The following ESPL1 variants were observed in gnomAD, a reference collection of about 807,000 sequenced individuals.
The protein encoded by ESPL1 is separin.
In ESPL1, 50 loss-of-function variants were observed where a neutral mutation model predicts 217.2. The observed-to-expected ratio is 0.23, with a 90% CI of 0.18 to 0.29. The LOEUF (loss-of-function observed/expected upper bound fraction) is 0.29. Ranked by LOEUF, ESPL1 falls within the 10% of genes least tolerant of loss-of-function variation. The pLI is 1.00. For synonymous variants in ESPL1, 994 were observed against 1,081.3 expected (o/e 0.92, Z 1.58); for missense variants, 1,834 against 2,603.0 (o/e 0.70, Z 6.43).
chr12:53,283,279 G>T (rs756932470), intron 15 of ESPL1, 22 bp downstream of exon 15: 2 of 1,613,924 alleles, frequency 1.2e-6, no homozygotes, highest in South Asian at 2.2e-5. Context: ...GAGGACAGCA[G>T]GGCCCTCTTG....
intron 12 of ESPL1, among the ~76,000 whole-genome samples, chr12:53,280,926 A>C (rs959530700): frequency 6.6e-6 from 1 of 151,054 alleles, no homozygotes; most frequent in African/African-American, 2.4e-5. Context: ...CGGGAGGCGG[A>C]GGTTGCGGTG....
Position 53,276,701 on chromosome 12 carries a change from G to A in ESPL1, c.1782G>A (p.Ala594=), listed in dbSNP as rs147987096. The part of the protein sequence containing the change: ...LLREELQAYK[A]VRADTGQERF... The stretch of plus-strand genomic sequence containing the variant: ...GGGAGGAGCTGCAGGCCTACAAGGC[G>A]GTGCGGGCCGACACTGGACAGGAAC... The change falls in exon 8 of 31, where the codon GCG becomes GCA. Residue 594 remains alanine, a synonymous_variant. Coordinates refer to ENST00000257934, the MANE Select transcript of ESPL1 (RefSeq NM_012291.5). The A allele has an allele frequency of 3.1e-5, 50 of 1,613,254 alleles. No individual in the cohort carries two copies. The African/African-American group carries it at 4.8e-4, about 15-fold the overall frequency.
chr12:53,288,843 G>C (rs996729609), intron 20 of ESPL1, 144 bp downstream of exon 20: 4 of 756,958 alleles, frequency 5.3e-6, no homozygotes, highest in Admixed American at 2.8e-5. Context: ...CTGTCTATGA[G>C]CTGTGTGCAG....
chr12:53,290,961 T>C lies in ESPL1; in HGVS notation c.5485T>C (p.Cys1829Arg). The C allele has an allele frequency of 6.2e-7, 1 of 1,603,256 alleles. No individual in the cohort carries two copies. ...CCGCCTACAGGAGCTGCTACAGGAC[T>C]GTGGCTGGAAATATCCTGACCGCAC... is the stretch of plus-strand genomic sequence containing the variant. ...ASRLQELLQD[C>R]GWKYPDRTLL... The change falls in exon 25 of 31, where the codon TGT (cysteine) becomes CGT (arginine). Residue 1829 changes from cysteine to arginine, a missense_variant. Cys to Arg is a radical substitution (Grantham distance 180). Coordinates refer to ENST00000257934, the MANE Select transcript of ESPL1 (RefSeq NM_012291.5).
In ESPL1 at chr12:53,278,838, A is replaced by G. The variant is rs370982012; in HGVS notation, c.2364+878A>G. Among the ~76,000 whole-genome samples, 78 of 152,102 alleles carry G rather than the reference A, an allele frequency of 5.1e-4. 1 individual carries two copies. The East Asian group carries it at 0.013, about 25-fold the overall frequency. ...TCTCCTCAGGTGATCCACCCGCCTC[A>G]GCCTCCCAAAGTGCTGGGATTACAG... is the stretch of plus-strand genomic sequence containing the variant. On this transcript the variant is annotated intron_variant, in intron 11 of 30. Coordinates refer to ENST00000257934, the MANE Select transcript of ESPL1 (RefSeq NM_012291.5).
intron 11 of ESPL1, among the ~76,000 whole-genome samples, chr12:53,278,488 T>TAA (rs34127196): frequency 0.64 from 93,177 of 146,576 alleles, 29,540 homozygotes; most frequent in East Asian, 0.78. Flanking sequence ...GCTATTTCAT[T>TAA]AAAAAAAAAA....
At position 53,285,942 on chromosome 12, in the gene ESPL1, A is replaced by G. The variant is rs1943939854; in HGVS notation, c.3206A>G (p.Gln1069Arg). The G allele has an allele frequency of 2.0e-6, 3 of 1,524,428 alleles. No individual in the cohort carries two copies. In the East Asian group the frequency reaches 6.9e-5, roughly 35 times the overall value. 94.4% of individuals were successfully genotyped at this position (1,524,428 alleles called of 1,614,324 possible). ...TCCCCAGAGTTTGGTGGGGTGACTCAGCACCTGGACTCTGTGAAGAAGGTC... is the reference window on the plus strand; with the variant it reads ...TCCCCAGAGTTTGGTGGGGTGACTCGGCACCTGGACTCTGTGAAGAAGGTC... ...ESCTEFGGVT[Q>R]HLDSVKKVHL... Residue 1069 changes from glutamine (Q) to arginine (R), a missense_variant, in exon 18 of 31, where the codon CAG becomes CGG. Gln to Arg is a conservative substitution (Grantham distance 43). Coordinates refer to ENST00000257934, the MANE Select transcript of ESPL1 (RefSeq NM_012291.5).
In ESPL1 at chr12:53,279,841, C is replaced by A; in HGVS notation, c.2474C>A (p.Thr825Asn). ...SSCHITQLLL[T>N]LGCPSYAQLH... Reference sequence around the variant, plus strand: ...TGCCACATCACCCAGCTCCTCCTGACCCTCGGCTGTCCCAGCTATGCCCAG... The same window carrying A: ...TGCCACATCACCCAGCTCCTCCTGAACCTCGGCTGTCCCAGCTATGCCCAG... Residue 825 changes from threonine (T) to asparagine (N), a missense_variant, in exon 12 of 31, where the codon ACC becomes AAC. Physicochemically the swap from Thr to Asn is moderately conservative, Grantham distance 65 (BLOSUM62 0). This residue lies in a region of ESPL1 where 746 missense variants were observed against 1,077.0 expected (regional missense o/e 0.69). Coordinates refer to ENST00000257934, the MANE Select transcript of ESPL1 (RefSeq NM_012291.5). The A allele has an allele frequency of 6.2e-7, 1 of 1,605,400 alleles. No individual in the cohort carries two copies. The highest frequency in any genetic ancestry group is 8.5e-7 in the Non-Finnish European group (1 of 1,175,266).
chr12:53,285,027 AGAAG>A (rs1386477683), intron 17 of ESPL1, among the ~76,000 whole-genome samples: 1,868 of 136,294 alleles, frequency 0.014, 24 homozygotes, highest in South Asian at 0.051. Context: ...AAAAAAAAAA[AGAAG>A]AAAGAAAGAA....
At chr12:53,268,889 A>G (rs754402636) in intron 2 of ESPL1, 42 bp downstream of exon 2, 3 of 1,561,760 alleles carry the variant, frequency 1.9e-6, no homozygotes, top group Non-Finnish European at 2.6e-6. Flanking sequence ...GGCTTTCCAA[A>G]CTGAGCTGTT....
At position 53,286,175 on chromosome 12, in the gene ESPL1, G is replaced by A. The variant is rs1238411395; in HGVS notation, c.3439G>A (p.Asp1147Asn). 1 of 1,614,264 alleles carries A rather than the reference G, an allele frequency of 6.2e-7. No individual in the cohort carries two copies. Among genetic ancestry groups the A allele is most frequent in the Admixed American group, 1.7e-5 (1 of 60,026 alleles). Reference sequence around the variant, plus strand: ...CTTCCTGTCCCATTCACCCACCTGTGACTGCTCGCTCTGCGCCAGCCCTGT... The same window carrying A: ...CTTCCTGTCCCATTCACCCACCTGTAACTGCTCGCTCTGCGCCAGCCCTGT... ...PNFLSHSPTC[D>N]CSLCASPVLT... The change falls in exon 18 of 31, where the codon GAC (aspartate) becomes AAC (asparagine). Residue 1147 changes from aspartate (D) to asparagine (N), a missense_variant. This residue lies in a region of ESPL1 where 681 missense variants were observed against 808.0 expected (regional missense o/e 0.84). Transcript: ENST00000257934. This position sits in a 1 kb window ranked among gnomAD's most constrained non-coding sequence, Gnocchi z 5.3.
chr12:53,282,514 C>G lies in ESPL1; in HGVS notation c.2791+79C>G. 1 of 1,334,168 alleles carries G rather than the reference C, an allele frequency of 7.5e-7. No homozygotes were observed. Among genetic ancestry groups the G allele is most frequent in the East Asian group, 2.5e-5 (1 of 40,750 alleles). 82.6% of individuals were successfully genotyped at this position (1,334,168 alleles called of 1,614,324 possible). A position where few individuals can be genotyped will look rare whatever the true frequency, so the allele number is the denominator to read the frequency against. ...TGTCAGCTCTTCTCAAACCTCATCC[C>G]CTCTGCTGGCTAACTATGTGGCCCA... On this transcript the variant is annotated intron_variant, in intron 14 of 30. Transcript: ENST00000257934. This position sits in a 1 kb window ranked among gnomAD's most constrained non-coding sequence, Gnocchi z 4.0.
chr12:53,283,303 A>G (rs1943894584), intron 15 of ESPL1, 46 bp downstream of exon 15: 2 of 1,612,792 alleles, frequency 1.2e-6, no homozygotes. Flanking sequence ...TGGACAGGCT[A>G]TGTGAGAGGG....
chr12:53,269,813 C>A lies in ESPL1; in HGVS notation c.871C>A (p.Leu291Ile). 1 of 1,614,222 alleles carries A rather than the reference C, an allele frequency of 6.2e-7. No individual in the cohort carries two copies. Among genetic ancestry groups the A allele is most frequent in the Non-Finnish European group, 8.5e-7 (1 of 1,180,038 alleles). The change falls in exon 3 of 31, where the codon CTT becomes ATT. Residue 291 changes from leucine (L) to isoleucine (I), a missense_variant. Transcript: ENST00000257934. The surrounding 1 kb of genome is among the most constrained non-coding windows in gnomAD (Gnocchi z 6.7). ...AAGGAACACCAATCTAGCCCCTAGC[C>A]TTCAGCTATGTCAGCTGGGGGTTAA... is the stretch of plus-strand genomic sequence containing the variant. ...YLRNTNLAPS[L>I]QLCQLGVKLL...
At chr12:53,278,833 G>A (rs1009931302) in intron 11 of ESPL1, among the ~76,000 whole-genome samples, 2 of 151,838 alleles carry the variant, frequency 1.3e-5, no homozygotes, top group Non-Finnish European at 2.9e-5. Context: ...TGATCCACCC[G>A]CCTCAGCCTC....
At chr12:53,277,253 C>A in intron 9 of ESPL1, 26 bp downstream of exon 9, 2 of 1,597,810 alleles carry the variant, frequency 1.3e-6, no homozygotes, top group Non-Finnish European at 1.7e-6. Flanking sequence ...GTGGGGCTCA[C>A]CAGAACTGGG....
In ESPL1 at chr12:53,269,817, A is replaced by G. The variant is rs770074374; in HGVS notation, c.875A>G (p.Gln292Arg). The G allele has an allele frequency of 4.3e-6, 7 of 1,614,070 alleles. No homozygotes were observed. The highest frequency in any genetic ancestry group is 2.7e-5 in the African/African-American group (2 of 74,940). The change falls in exon 3 of 31, where the codon CAG becomes CGG. Residue 292 changes from glutamine (Q) to arginine (R), a missense_variant. Physicochemically the swap from Gln to Arg is conservative, Grantham distance 43. Transcript: ENST00000257934. This position sits in a 1 kb window ranked among gnomAD's most constrained non-coding sequence, Gnocchi z 6.7. ...LRNTNLAPSLQLCQLGVKLLQ... is the reference protein window; with the variant it reads ...LRNTNLAPSLRLCQLGVKLLQ... The stretch of plus-strand genomic sequence containing the variant: ...AACACCAATCTAGCCCCTAGCCTTC[A>G]GCTATGTCAGCTGGGGGTTAAGCTG...
rs746581481 is a variant in ESPL1 at position 53,277,102 on chromosome 12, C to T, written c.1960C>T (p.Arg654Trp). 9 of 1,613,932 alleles carry T rather than the reference C, an allele frequency of 5.6e-6. No individual in the cohort carries two copies. The highest frequency in any genetic ancestry group is 4.5e-5 in the East Asian group (2 of 44,874). Residue 654 changes from arginine to tryptophan, a missense_variant, in exon 9 of 31, where the codon CGG becomes TGG. Arg to Trp is a moderately radical substitution (Grantham distance 101). Coordinates refer to ENST00000257934, the MANE Select transcript of ESPL1 (RefSeq NM_012291.5). ...CTGCAGCTCTGCTCTGGATGCTATC[C>T]GGGAAGCCCTGCAGCTTCTGGACTC... ...QTNCSALDAIREALQLLDSVR... is the reference protein window; with the variant it reads ...QTNCSALDAIWEALQLLDSVR...
rs201612380 is a variant in ESPL1 at position 53,274,814 on chromosome 12, C to T, written c.1507-3C>T. ...GTTTGGTCTGTTCCCTTTCTCTGGT[C>T]AGTTGCACAGGTGCTTCCGGCTACA... On this transcript the variant is annotated splice_region_variant and splice_polypyrimidine_tract_variant and intron_variant, in intron 6 of 30. Coordinates refer to ENST00000257934, the MANE Select transcript of ESPL1 (RefSeq NM_012291.5). The T allele has an allele frequency of 6.2e-6, 10 of 1,613,204 alleles. No individual in the cohort carries two copies. Among genetic ancestry groups the T allele is most frequent in the Admixed American group, 5.0e-5 (3 of 59,982 alleles).
Sources: allele counts gnomAD v4.1 joint callset (sites outside exome capture counted in the v4.1 genomes callset), GRCh38; gene constraint gnomAD v4.1.1; regional missense constraint gnomAD v4.1.1; non-coding constraint Gnocchi (gnomAD v3.1); transcripts MANE v1.5; gene names NCBI Gene and HGNC (gene_info 2026-07-23, HGNC 2026-07-21).